Variants in MECOM observed in about 807,000 individuals in gnomAD.
The protein encoded by MECOM is histone-lysine N-methyltransferase MECOM.
A neutral mutation model predicts 116.3 loss-of-function variants in MECOM; 13 were observed. That is an observed-to-expected ratio of 0.11 (90% CI 0.07 to 0.18). MECOM has a LOEUF of 0.18. Among genes scored for constraint, MECOM ranks in the 10% least tolerant of loss-of-function variants. The pLI, the probability that MECOM is intolerant of heterozygous loss-of-function variation, is 1.00. For missense variants in MECOM, 1,299 were observed against 1,509.0 expected, an observed-to-expected ratio of 0.86 and a Z score of 2.31; for synonymous variants, 528 against 535.2, an observed-to-expected ratio of 0.99 and a Z score of 0.19.
intron 2 of MECOM, among the ~76,000 whole-genome samples, chr3:169,264,069 T>C (rs1026368292): frequency 6.6e-6 from 1 of 152,344 alleles, no homozygotes; most frequent in African/African-American, 2.4e-5. Context: ...ACAGGTATTC[T>C]AGGTTCAGGA....
intron 2 of MECOM, among the ~76,000 whole-genome samples, chr3:169,260,929 A>T (rs528086921): frequency 8.5e-5 from 13 of 152,360 alleles, no homozygotes; most frequent in African/African-American, 3.1e-4. Context: ...CATTTATCGT[A>T]TGTCAAAATT....
chr3:169,094,045 C>T (rs1258648493), intron 13 of MECOM, among the ~76,000 whole-genome samples: 1 of 151,990 alleles, frequency 6.6e-6, no homozygotes, highest in African/African-American at 2.4e-5. Context: ...TTAGAGTGGC[C>T]AGTTTTGCAC....
chr3:169,445,683 A>G (rs1744506362), intron 1 of MECOM, among the ~76,000 whole-genome samples: 1 of 152,148 alleles, frequency 6.6e-6, no homozygotes, highest in South Asian at 2.1e-4. Context: ...CCAGAATGGT[A>G]GATCCACCGA....
intron 2 of MECOM, among the ~76,000 whole-genome samples, chr3:169,340,282 C>T (rs1259433418): frequency 2.0e-5 from 3 of 152,118 alleles, no homozygotes; most frequent in East Asian, 1.9e-4. Context: ...GCCTTATCTA[C>T]GGGTTGCCGC....
chr3:169,599,250 T>C (rs1034291545), intron 1 of MECOM, among the ~76,000 whole-genome samples: 4 of 152,176 alleles, frequency 2.6e-5, no homozygotes, highest in African/African-American at 9.7e-5. Context: ...GCACGGTGGC[T>C]CATGCCTGTA....
chr3:169,289,199 T>C (rs930996343), intron 2 of MECOM, among the ~76,000 whole-genome samples: 1 of 152,202 alleles, frequency 6.6e-6, no homozygotes, highest in Non-Finnish European at 1.5e-5. Context: ...AGGTTTTTTG[T>C]TTCTATGAGG....
At chr3:169,418,777 C>G (rs60154219) in intron 1 of MECOM, among the ~76,000 whole-genome samples, 17,443 of 152,010 alleles carry the variant, frequency 0.11, 1,236 homozygotes, top group East Asian at 0.3. Flanking sequence ...ATGACAAACC[C>G]ACAGCCAATA....
chr3:169,516,840 T>C (rs577289977), intron 1 of MECOM, among the ~76,000 whole-genome samples: 184 of 152,334 alleles, frequency 1.2e-3, no homozygotes, highest in African/African-American at 4.1e-3. Context: ...GGAAAACGAA[T>C]GCTAGTTGCT....
intron 2 of MECOM, among the ~76,000 whole-genome samples, chr3:169,161,464 A>G (rs142155906): frequency 0.014 from 2,115 of 152,270 alleles, 53 homozygotes; most frequent in African/African-American, 0.048. Flanking sequence ...CAGACCTAAA[A>G]GAAGACAAAA....
intron 1 of MECOM, among the ~76,000 whole-genome samples, chr3:169,652,163 A>G (rs1775000532): frequency 6.6e-6 from 1 of 152,148 alleles, no homozygotes; most frequent in Non-Finnish European, 1.5e-5. Flanking sequence ...TTGTATGAAA[A>G]TGTTTCTTGC....
chr3:169,344,195 GT>G (rs1267811939), intron 2 of MECOM, among the ~76,000 whole-genome samples: 4 of 152,110 alleles, frequency 2.6e-5, no homozygotes, highest in Non-Finnish European at 5.9e-5. Flanking sequence ...TATACTGCGT[GT>G]GTATGGATGT....
chr3:169,095,686 A>T (rs1721223534), intron 12 of MECOM, among the ~76,000 whole-genome samples: 1 of 152,208 alleles, frequency 6.6e-6, no homozygotes, highest in African/African-American at 2.4e-5. Flanking sequence ...CAGGAAATTC[A>T]TTTTCTCAGG....
intron 1 of MECOM, among the ~76,000 whole-genome samples, chr3:169,432,162 T>G (rs1266564840): frequency 1.3e-5 from 2 of 149,224 alleles, no homozygotes; most frequent in Non-Finnish European, 3.0e-5. Context: ...ATAGTACTAC[T>G]GTCTTTTTTT....
At chr3:169,180,210 T>C (rs960549264) in intron 2 of MECOM, among the ~76,000 whole-genome samples, 5 of 152,220 alleles carry the variant, frequency 3.3e-5, no homozygotes, top group African/African-American at 1.2e-4. Context: ...ATTATTTGTA[T>C]AGCTATTTGT....
chr3:169,335,873 T>G (rs1723511983), intron 2 of MECOM, among the ~76,000 whole-genome samples: 1 of 152,162 alleles, frequency 6.6e-6, no homozygotes, highest in Admixed American at 6.6e-5. Flanking sequence ...TCCATTTTAC[T>G]AAACTATGAT....
chr3:169,096,519 C>T (rs1440274306), intron 12 of MECOM, among the ~76,000 whole-genome samples: 1 of 152,140 alleles, frequency 6.6e-6, no homozygotes, highest in Non-Finnish European at 1.5e-5. Context: ...ATCCACACAC[C>T]TCAGCCTCCC....
At chr3:169,213,747 C>T (rs927709188) in intron 2 of MECOM, among the ~76,000 whole-genome samples, 1 of 151,970 alleles carries the variant, frequency 6.6e-6, no homozygotes, top group Admixed American at 6.6e-5. Flanking sequence ...ACCAATAATA[C>T]AAAATTAAAT....
At chr3:169,475,668 A>G (rs1234330877) in intron 1 of MECOM, among the ~76,000 whole-genome samples, 1 of 152,070 alleles carries the variant, frequency 6.6e-6, no homozygotes, top group Non-Finnish European at 1.5e-5. Context: ...TTTAAAATTC[A>G]CCAAGCCAAA....
rs77132614 is a variant in MECOM, at chr3:169,370,765, C to T, written c.375+10422G>A. On this transcript the variant is annotated intron_variant, in intron 2 of 16. Coordinates refer to ENST00000651503, the MANE Select transcript of MECOM (RefSeq NM_004991.4). ...TTTTTTCAAAGAAGACATACAATAGCGATCAAGTATATGAAATGATACTGA... is the reference window on the plus strand; with the variant it reads ...TTTTTTCAAAGAAGACATACAATAGTGATCAAGTATATGAAATGATACTGA... Among the ~76,000 whole-genome samples, 646 of 151,770 alleles carry T rather than the reference C, an allele frequency of 4.3e-3. 21 individuals carry two copies. The East Asian group carries it at 0.076, about 18-fold the overall frequency.
Sources: allele counts gnomAD v4.1 joint callset (sites outside exome capture counted in the v4.1 genomes callset), GRCh38; gene constraint gnomAD v4.1.1; transcripts MANE v1.5; gene names NCBI Gene and HGNC (gene_info 2026-07-23, HGNC 2026-07-21).